The following RNF123 variants were observed in gnomAD, a reference collection of about 807,000 sequenced individuals.
RNF123 encodes ring finger protein 123.
Under a neutral mutation model 168.5 loss-of-function variants are expected in RNF123, and 86 were observed. The observed-to-expected ratio is 0.51, with a 90% CI of 0.43 to 0.61. The LOEUF (loss-of-function observed/expected upper bound fraction) is 0.61. RNF123 is among the 20% of genes least tolerant of loss of function. The probability of loss-of-function intolerance (pLI) is 0.00; values close to 1 mark genes in which losing one functional copy is unlikely to be tolerated. For synonymous variants in RNF123, 666 were observed against 689.1 expected (o/e 0.97, Z 0.52); for missense variants, 1,419 against 1,729.7 (o/e 0.82, Z 3.19).
chr3:49,698,875 G>T, intron 9 of RNF123, 53 bp downstream of exon 9: 2 of 1,605,894 alleles, frequency 1.2e-6, no homozygotes, highest in South Asian at 1.1e-5. Flanking sequence ...TCCCCAGACT[G>T]CCCCCAGTTT....
At position 49,699,386 on chromosome 3, in the gene RNF123, C is replaced by T. The variant is rs1649978567; in HGVS notation, c.765-82C>T. 3.1e-6 allele frequency: 4 copies of T among 1,275,568 alleles called. No homozygotes were observed. The highest frequency in any genetic ancestry group is 4.4e-6 in the Non-Finnish European group (4 of 905,696). 79.0% of individuals were successfully genotyped at this position (1,275,568 alleles called of 1,614,324 possible). On this transcript the variant is annotated intron_variant, in intron 10 of 38. Coordinates refer to ENST00000327697, the MANE Select transcript of RNF123 (RefSeq NM_022064.5). The surrounding 1 kb of genome is among the most constrained non-coding windows in gnomAD (Gnocchi z 4.8). ...AACCAGCCCTGCCCTAGAGCCCAGG[C>T]CCCGGGGTGGGGGGTGGGCAGTGGA...
Position 49,691,579 on chromosome 3 carries a change from G to A in RNF123, c.167+70G>A. 4.0e-6 allele frequency: 5 copies of A among 1,262,908 alleles called. No homozygotes were observed. In the East Asian group the frequency reaches 9.5e-5, roughly 24 times the overall value. The allele number at this position is 1,262,908 out of a possible 1,614,324, so 78.2% of individuals were successfully genotyped here. A position where few individuals can be genotyped will look rare whatever the true frequency, so the allele number is the denominator to read the frequency against. On this transcript the variant is annotated intron_variant, in intron 3 of 38. Coordinates refer to ENST00000327697, the MANE Select transcript of RNF123 (RefSeq NM_022064.5). ...CAGAATAAGGAGGCTGCAGTTGTAGGGAAAGGGAGCCTGGGCTCTGGACAG... is the reference window on the plus strand; with the variant it reads ...CAGAATAAGGAGGCTGCAGTTGTAGAGAAAGGGAGCCTGGGCTCTGGACAG...
chr3:49,705,498 G>A (rs745890948), intron 23 of RNF123, 36 bp from the exon 24 acceptor site: 5 of 1,552,012 alleles, frequency 3.2e-6, no homozygotes, highest in Non-Finnish European at 4.3e-6. Context: ...AGCCGGGATG[G>A]CCCTACCCTT....
intron 26 of RNF123, among the ~76,000 whole-genome samples, chr3:49,708,764 A>G (rs1338510593): frequency 6.6e-6 from 1 of 152,168 alleles, no homozygotes; most frequent in Non-Finnish European, 1.5e-5. Flanking sequence ...ATTCTGTTGT[A>G]CGGACACCAC....
At chr3:49,702,532 C>T in intron 19 of RNF123, 101 bp from the exon 20 acceptor site, 1 of 1,606,936 alleles carries the variant, frequency 6.2e-7, no homozygotes, top group Non-Finnish European at 8.5e-7. Flanking sequence ...TGCTGCTTTT[C>T]CCTCCCTGCT....
chr3:49,691,334 C>G, intron 2 of RNF123, 87 bp downstream of exon 2: 4 of 1,586,676 alleles, frequency 2.5e-6, no homozygotes, highest in Non-Finnish European at 3.5e-6. Context: ...GCACCTGTGG[C>G]TGGCCTAGGA....
intron 35 of RNF123, chr3:49,717,995 C>CA: frequency 6.2e-7 from 1 of 1,613,644 alleles, no homozygotes; most frequent in Non-Finnish European, 8.5e-7. Flanking sequence ...CTGGCGGACT[C>CA]AGAGCCAGCC....
Position 49,712,463 on chromosome 3 carries a change from C to A in RNF123, c.2497-16C>A. 1 of 1,613,380 alleles carries A rather than the reference C, an allele frequency of 6.2e-7. No homozygotes were observed. Among genetic ancestry groups the A allele is most frequent in the Non-Finnish European group, 8.5e-7 (1 of 1,179,860 alleles). On this transcript the variant is annotated splice_polypyrimidine_tract_variant and intron_variant, in intron 26 of 38. Coordinates refer to ENST00000327697, the MANE Select transcript of RNF123 (RefSeq NM_022064.5). ...ACTGGTGCGCAACCCAGCAGCACCC[C>A]GTGTGCCTCCTGCAGGAGAAGATGC...
At chr3:49,706,130 T>C in intron 25 of RNF123, 65 bp downstream of exon 25, 1 of 1,454,090 alleles carries the variant, frequency 6.9e-7, no homozygotes, top group South Asian at 1.1e-5. Flanking sequence ...ACAGATGAAG[T>C]CTGGTTCTGG....
At chr3:49,716,716 G>A (rs558092511) in intron 35 of RNF123, 24 of 500,724 alleles carry the variant, frequency 4.8e-5, no homozygotes, top group Non-Finnish European at 6.2e-5. Flanking sequence ...CAGAGCCACT[G>A]GCTTGTGGCC....
In RNF123 at chr3:49,720,883, G is replaced by C; in HGVS notation, c.3727G>C (p.Ala1243Pro). ...GACCTCTGCATCTGCCCAGGCAGCA[G>C]CTGCCTCCCTGGTGAGTGGGAACAC... ...HLTSASAQAA[A>P]ASLPTSEEDL... The change falls in exon 37 of 39, where the codon GCT (alanine) becomes CCT (proline). Residue 1243 changes from alanine to proline, a missense_variant. Ala to Pro is a conservative substitution (Grantham distance 27). This residue lies in a region of RNF123 where 164 missense variants were observed against 152.3 expected (regional missense o/e 1.08). Coordinates refer to ENST00000327697, the MANE Select transcript of RNF123 (RefSeq NM_022064.5). The C allele has an allele frequency of 2.5e-6, 4 of 1,614,136 alleles. No homozygotes were observed. The highest frequency in any genetic ancestry group is 3.4e-6 in the Non-Finnish European group (4 of 1,180,024).
In RNF123 at chr3:49,699,655, C is replaced by T. The variant is rs1479361054; in HGVS notation, c.880-13C>T. On this transcript the variant is annotated splice_polypyrimidine_tract_variant and intron_variant, in intron 11 of 38. Transcript: ENST00000327697. The surrounding 1 kb of genome is among the most constrained non-coding windows in gnomAD (Gnocchi z 4.8). ...CTGCCCCTCACACTTCTCCCTCCTC[C>T]CCCTCCACACAGGAGGGGCGGCTGT... The T allele has an allele frequency of 1.2e-6, 2 of 1,613,404 alleles. No individual in the cohort carries two copies. The highest frequency in any genetic ancestry group is 1.7e-6 in the Non-Finnish European group (2 of 1,179,634).
intron 25 of RNF123, among the ~76,000 whole-genome samples, 189 bp downstream of exon 25, chr3:49,706,254 C>A (rs2054516680): frequency 6.6e-6 from 1 of 152,276 alleles, no homozygotes; most frequent in Middle Eastern, 3.4e-3. Context: ...TGCCTAGGTG[C>A]CCCCCACCCC....
chr3:49,693,512 A>G (rs2054210282), intron 3 of RNF123, among the ~76,000 whole-genome samples: 2 of 151,576 alleles, frequency 1.3e-5, no homozygotes, highest in Admixed American at 6.6e-5. Context: ...ACAAACCACC[A>G]CACCCAGTTA....
chr3:49,711,570 C>G (rs748562363), intron 26 of RNF123, among the ~76,000 whole-genome samples: 1 of 152,170 alleles, frequency 6.6e-6, no homozygotes, highest in African/African-American at 2.4e-5. Context: ...AGGCCCTCCC[C>G]TAACCTCTTG....
In RNF123 at chr3:49,702,680, C is replaced by T; in HGVS notation, c.1677C>T (p.His559=). The T allele has an allele frequency of 6.2e-7, 1 of 1,614,252 alleles. No homozygotes were observed. Among genetic ancestry groups the T allele is most frequent in the East Asian group, 2.2e-5 (1 of 44,888 alleles). The change falls in exon 20 of 39, where the codon CAC becomes CAT. Residue 559 remains histidine (H), a synonymous_variant. Coordinates refer to ENST00000327697, the MANE Select transcript of RNF123 (RefSeq NM_022064.5). ...CTGAGTACATGGTCTGCTTCTTACA[C>T]CGGCTGATCTCTGCCCTGCGCTACT... ...CPPEYMVCFL[H]RLISALRYYW... is the part of the protein sequence containing the mutation.
At position 49,716,494 on chromosome 3, in the gene RNF123, G is replaced by A. The variant is rs1232693779; in HGVS notation, c.3500+17G>A. 12 of 1,604,824 alleles carry A rather than the reference G, an allele frequency of 7.5e-6. No individual in the cohort carries two copies. Among genetic ancestry groups the A allele is most frequent in the South Asian group, 1.1e-5 (1 of 90,640 alleles). ...AGCCTCAGAGTGAGTGTTGGGGACC[G>A]TGGGCCCCTGTGGGAGTTGGGTGTG... is the stretch of plus-strand genomic sequence containing the variant. On this transcript the variant is annotated intron_variant, in intron 35 of 38. Transcript: ENST00000327697.
At chr3:49,712,876 A>T (rs1465589831) in intron 27 of RNF123, 1 of 706,846 alleles carries the variant, frequency 1.4e-6, no homozygotes. Flanking sequence ...AAAGGAAAAC[A>T]GACAAGATGG....
chr3:49,715,806 C>A lies in RNF123; in HGVS notation c.3151-16C>A, dbSNP rs377639906. On this transcript the variant is annotated splice_polypyrimidine_tract_variant and intron_variant, in intron 32 of 38. Coordinates refer to ENST00000327697, the MANE Select transcript of RNF123 (RefSeq NM_022064.5). ...CCAGGTGCTGACCACTGCATGCCCACGTGTTGGTGGCTCAGATCCAGCAGG... is the reference window on the plus strand; with the variant it reads ...CCAGGTGCTGACCACTGCATGCCCAAGTGTTGGTGGCTCAGATCCAGCAGG... The A allele has an allele frequency of 1.2e-6, 2 of 1,613,852 alleles. No individual in the cohort carries two copies. The highest frequency in any genetic ancestry group is 1.7e-6 in the Non-Finnish European group (2 of 1,179,862).
Sources: allele counts gnomAD v4.1 joint callset (sites outside exome capture counted in the v4.1 genomes callset), GRCh38; gene constraint gnomAD v4.1.1; regional missense constraint gnomAD v4.1.1; non-coding constraint Gnocchi (gnomAD v3.1); transcripts MANE v1.5; gene names NCBI Gene and HGNC (gene_info 2026-07-23, HGNC 2026-07-21).